MATCAP2: variants seen among roughly 807,000 people sequenced by gnomAD.
The protein encoded by MATCAP2 is microtubule associated tyrosine carboxypeptidase 2, also known as putative tyrosine carboxypeptidase MATCAP2.
the MATCAP2 span, chr7:36,335,081 T>G: frequency 6.2e-7 from 1 of 1,613,870 alleles, no homozygotes; most frequent in Non-Finnish European, 8.5e-7. Flanking sequence ...CAGCCAATGC[T>G]CACGTGCAGT....
the MATCAP2 span, among the ~76,000 whole-genome samples, chr7:36,361,829 TGAAAA>T: frequency 1.3e-5 from 2 of 152,122 alleles, no homozygotes; most frequent in East Asian, 1.9e-4. Context: ...TATACGACAA[TGAAAA>T]GAAAACTGAC....
chr7:36,337,098 CAAAAAAAAAAA>C, the MATCAP2 span, among the ~76,000 whole-genome samples: 16 of 18,530 alleles, frequency 8.6e-4, 1 homozygote, highest in African/African-American at 1.9e-3. Context: ...AACTCCATCT[CAAAAAAAAAAA>C]AAAAAAAAAA....
chr7:36,390,278 C>T, the MATCAP2 span: 2 of 642,896 alleles, frequency 3.1e-6, no homozygotes, highest in African/African-American at 1.8e-5. Context: ...GGCTTTGAGT[C>T]TGTCCTAAAA....
chr7:36,344,978 C>G, the MATCAP2 span, among the ~76,000 whole-genome samples: 16 of 152,174 alleles, frequency 1.1e-4, no homozygotes, highest in Admixed American at 1.0e-3. Flanking sequence ...TTAATGTACA[C>G]ACACCTATCC....
the MATCAP2 span, among the ~76,000 whole-genome samples, chr7:36,345,101 G>C: frequency 1.3e-5 from 2 of 152,122 alleles, no homozygotes; most frequent in Admixed American, 1.3e-4. Context: ...TTAGAAAATA[G>C]TATAACGGAA....
the MATCAP2 span, among the ~76,000 whole-genome samples, chr7:36,373,427 T>C: frequency 6.6e-6 from 1 of 152,100 alleles, no homozygotes; most frequent in Non-Finnish European, 1.5e-5. Flanking sequence ...TCGGAATTTT[T>C]AGGGGACAAG....
the MATCAP2 span, among the ~76,000 whole-genome samples, chr7:36,361,551 C>T: frequency 2.6e-5 from 4 of 152,092 alleles, no homozygotes; most frequent in Admixed American, 2.0e-4. Context: ...ACAAAATAAT[C>T]CCCAAACAAG....
At chr7:36,361,504 G>C in the MATCAP2 span, among the ~76,000 whole-genome samples, 10 of 152,004 alleles carry the variant, frequency 6.6e-5, 1 homozygote, top group Non-Finnish European at 1.5e-4. Context: ...AAAACAATAG[G>C]TTACTTCATT....
the MATCAP2 span, among the ~76,000 whole-genome samples, chr7:36,328,419 T>C: frequency 6.6e-6 from 1 of 151,568 alleles, no homozygotes; most frequent in East Asian, 1.9e-4. Context: ...TTCTGATCAA[T>C]ACTCTTCCAG....
chr7:36,357,972 G>A, the MATCAP2 span, among the ~76,000 whole-genome samples: 2 of 152,156 alleles, frequency 1.3e-5, no homozygotes, highest in Non-Finnish European at 2.9e-5. Context: ...GTCGAGGCAG[G>A]CAGATCACTT....
At chr7:36,379,813 T>TACAC in the MATCAP2 span, among the ~76,000 whole-genome samples, 326 of 124,284 alleles carry the variant, frequency 2.6e-3, no homozygotes, top group East Asian at 7.7e-3. Flanking sequence ...CAATGGTAAG[T>TACAC]ACACACACAC....
chr7:36,326,682 A>G, the MATCAP2 span: 1 of 1,280,134 alleles, frequency 7.8e-7, no homozygotes, highest in Non-Finnish European at 1.1e-6. Context: ...TCTTTTATAA[A>G]TCTTCTGGTG....
At chr7:36,389,461 C>G in the MATCAP2 span, among the ~76,000 whole-genome samples, 2 of 152,104 alleles carry the variant, frequency 1.3e-5, no homozygotes, top group Non-Finnish European at 2.9e-5. Flanking sequence ...CTCCTGGGCT[C>G]AAGCGATCCT....
chr7:36,389,899 G>T, the MATCAP2 span: 1 of 1,551,386 alleles, frequency 6.4e-7, no homozygotes, highest in Non-Finnish European at 8.9e-7. Context: ...AGGACAGCTG[G>T]TTGTGGGAGA....
At chr7:36,336,139 A>G in the MATCAP2 span, 4 of 1,505,098 alleles carry the variant, frequency 2.7e-6, no homozygotes, top group Non-Finnish European at 2.7e-6. Context: ...CCTTGTGTTC[A>G]CTCGCAGTTC....
At chr7:36,336,367 GTTA>G in the MATCAP2 span, 1 of 1,140,828 alleles carries the variant, frequency 8.8e-7, no homozygotes, top group East Asian at 2.6e-5. Context: ...AGCTAGCTAT[GTTA>G]TTTATTGTGA....
the MATCAP2 span, among the ~76,000 whole-genome samples, chr7:36,327,875 T>C: frequency 6.6e-6 from 1 of 152,234 alleles, no homozygotes; most frequent in Non-Finnish European, 1.5e-5. Flanking sequence ...TCAATCCATA[T>C]ATTAAGTTCC....
chr7:36,349,680 G>T, the MATCAP2 span, among the ~76,000 whole-genome samples: 3 of 152,142 alleles, frequency 2.0e-5, no homozygotes, highest in South Asian at 6.2e-4. Flanking sequence ...CCTAAATACC[G>T]CAGACTATTC....
the MATCAP2 span, among the ~76,000 whole-genome samples, chr7:36,364,593 G>A: frequency 6.7e-6 from 1 of 150,326 alleles, no homozygotes; most frequent in African/African-American, 2.4e-5. Flanking sequence ...TTTTAGAGCT[G>A]AAAAAAAAAT....
Sources: allele counts gnomAD v4.1 joint callset (sites outside exome capture counted in the v4.1 genomes callset), GRCh38; gene constraint gnomAD v4.1.1; transcripts MANE v1.5; gene names NCBI Gene and HGNC (gene_info 2026-07-23, HGNC 2026-07-21).